Variants in SKIC3 observed in about 807,000 individuals in gnomAD.
SKIC3 encodes the protein superkiller complex protein 3.
chr5:95,541,883 T>C, the SKIC3 span: 7 of 1,612,632 alleles, frequency 4.3e-6, no homozygotes, highest in South Asian at 7.7e-5. Context: ...TGTGATTATA[T>C]TTCTCATACA....
chr5:95,534,296 C>G, the SKIC3 span, among the ~76,000 whole-genome samples: 1 of 151,984 alleles, frequency 6.6e-6, no homozygotes, highest in Non-Finnish European at 1.5e-5. Context: ...CAGTGCAACA[C>G]TCTCATAATG....
chr5:95,483,512 T>G, the SKIC3 span, among the ~76,000 whole-genome samples: 1 of 152,168 alleles, frequency 6.6e-6, no homozygotes, highest in African/African-American at 2.4e-5. Flanking sequence ...TGTCCTGAAC[T>G]TAGATGGAAT....
At chr5:95,503,283 A>G in the SKIC3 span, among the ~76,000 whole-genome samples, 1 of 152,166 alleles carries the variant, frequency 6.6e-6, no homozygotes, top group East Asian at 1.9e-4. Flanking sequence ...TTACGAGCCA[A>G]TTTGGGTCAG....
chr5:95,487,929 C>A, the SKIC3 span, among the ~76,000 whole-genome samples: 4 of 151,710 alleles, frequency 2.6e-5, no homozygotes, highest in African/African-American at 9.7e-5. Context: ...AAAACCAGTA[C>A]AAAGAAATTA....
chr5:95,490,671 G>T, the SKIC3 span, among the ~76,000 whole-genome samples: 1 of 151,606 alleles, frequency 6.6e-6, no homozygotes, highest in East Asian at 1.9e-4. Context: ...CTAATTTTCT[G>T]TATTTTTTAG....
the SKIC3 span, among the ~76,000 whole-genome samples, chr5:95,526,279 G>C: frequency 6.7e-6 from 1 of 149,450 alleles, no homozygotes; most frequent in Non-Finnish European, 1.5e-5. Context: ...CAATTTAACT[G>C]TTGAAAAATA....
chr5:95,528,288 C>T, the SKIC3 span: 3 of 1,025,330 alleles, frequency 2.9e-6, no homozygotes, highest in East Asian at 2.6e-5. Flanking sequence ...AAGAATAACT[C>T]AAAGCTAAAT....
At chr5:95,471,151 A>G in the SKIC3 span, among the ~76,000 whole-genome samples, 1 of 152,224 alleles carries the variant, frequency 6.6e-6, no homozygotes, top group Admixed American at 6.5e-5. Context: ...ATCTTCTATA[A>G]ATAGTGGCTA....
At chr5:95,539,332 G>A in the SKIC3 span, among the ~76,000 whole-genome samples, 1 of 151,874 alleles carries the variant, frequency 6.6e-6, no homozygotes, top group African/African-American at 2.4e-5. Context: ...ACAAATGGCT[G>A]ACAAACATGA....
chr5:95,520,378 G>A, the SKIC3 span, among the ~76,000 whole-genome samples: 37 of 150,666 alleles, frequency 2.5e-4, no homozygotes, highest in Middle Eastern at 3.4e-3. Flanking sequence ...TTTCCCAATC[G>A]GTTCCAATTA....
chr5:95,492,727 G>A, the SKIC3 span, among the ~76,000 whole-genome samples: 1 of 122,422 alleles, frequency 8.2e-6, no homozygotes, highest in South Asian at 2.6e-4. Context: ...AGGTGCCATA[G>A]GGTCTTAAAT....
the SKIC3 span, among the ~76,000 whole-genome samples, chr5:95,472,690 G>T: frequency 6.6e-6 from 1 of 150,472 alleles, no homozygotes; most frequent in Admixed American, 6.6e-5. Context: ...GTGCAGGTTT[G>T]CTCCATGGGT....
At chr5:95,511,533 G>T in the SKIC3 span, among the ~76,000 whole-genome samples, 4 of 152,148 alleles carry the variant, frequency 2.6e-5, no homozygotes, top group African/African-American at 9.7e-5. Context: ...CTAGTCTAGT[G>T]CCTCAGGCTA....
the SKIC3 span, chr5:95,525,538 A>T: frequency 6.2e-7 from 1 of 1,613,694 alleles, no homozygotes; most frequent in Non-Finnish European, 8.5e-7. Flanking sequence ...ATAGCCAAAT[A>T]AAAATGCTTT....
the SKIC3 span, among the ~76,000 whole-genome samples, chr5:95,475,863 C>G: frequency 6.6e-6 from 1 of 152,202 alleles, no homozygotes; most frequent in Non-Finnish European, 1.5e-5. Context: ...GGTAACTAGG[C>G]TAACACTTAG....
the SKIC3 span, chr5:95,523,548 A>T: frequency 1.5e-6 from 2 of 1,364,334 alleles, no homozygotes; most frequent in Non-Finnish European, 2.0e-6. Flanking sequence ...TATTGCACCT[A>T]TAGAAAAAAA....
At chr5:95,472,854 C>T in the SKIC3 span, among the ~76,000 whole-genome samples, 14 of 152,218 alleles carry the variant, frequency 9.2e-5, 1 homozygote, top group African/African-American at 3.1e-4. Context: ...TGAGAACATG[C>T]GTATTTGATT....
the SKIC3 span, chr5:95,541,828 C>G: frequency 3.0e-5 from 49 of 1,611,132 alleles, no homozygotes; most frequent in Non-Finnish European, 3.9e-5. Context: ...TCATAAAGAT[C>G]CAGGAGCTTT....
chr5:95,520,196 A>T, the SKIC3 span, among the ~76,000 whole-genome samples: 1 of 151,870 alleles, frequency 6.6e-6, no homozygotes, highest in African/African-American at 2.4e-5. Context: ...TGCCAAATCT[A>T]CTCAAAATTT....
Sources: gnomAD v4.1 joint callset for allele counts (sites outside exome capture counted in the v4.1 genomes callset) on GRCh38, gnomAD v4.1.1 for gene constraint, MANE v1.5 for transcripts, NCBI Gene and HGNC (gene_info 2026-07-23, HGNC 2026-07-21) for gene names.